Variants in NAA35 observed in about 807,000 individuals in gnomAD.
NAA35 encodes the protein MAK10 homolog, amino-acid N-acetyltransferase subunit.
NAA35 carries 18 observed loss-of-function variants against 101.7 expected under a neutral mutation model. That is an observed-to-expected ratio of 0.18 (90% CI 0.12 to 0.26). The LOEUF (loss-of-function observed/expected upper bound fraction) is 0.26, where lower values mean the gene tolerates loss of function less well. Ranked by LOEUF, NAA35 falls within the 10% of genes least tolerant of loss-of-function variation. The probability of loss-of-function intolerance (pLI) is 1.00; values close to 1 mark genes in which losing one functional copy is unlikely to be tolerated. For synonymous variants in NAA35, 267 were observed against 273.1 expected, an observed-to-expected ratio of 0.98 and a Z score of 0.22; for missense variants, 601 against 886.8, an observed-to-expected ratio of 0.68 and a Z score of 4.09.
chr9:85,966,856 C>T lies in NAA35; in HGVS notation c.516+4676C>T, dbSNP rs368178445. On this transcript the variant is annotated intron_variant, in intron 6 of 22. Transcript: ENST00000361671. ...GCGCTGTGGCTCACGCCTGTAATCC[C>T]AGCACTTTGGGAGGCCAAGATGGGC... Among the ~76,000 whole-genome samples the T allele has an allele frequency of 1.7e-3, 264 of 152,324 alleles. 1 individual carries two copies. The highest frequency in any genetic ancestry group is 4.2e-3 in the African/African-American group (173 of 41,574).
intron 11 of NAA35, among the ~76,000 whole-genome samples, chr9:85,980,014 C>G (rs1441825179): frequency 6.6e-6 from 1 of 152,168 alleles, no homozygotes; most frequent in African/African-American, 2.4e-5. Context: ...TTGGGATTCC[C>G]ACGACTCTCT....
chr9:85,976,915 T>G (rs1183620872), intron 9 of NAA35, among the ~76,000 whole-genome samples, 180 bp downstream of exon 9: 1 of 152,142 alleles, frequency 6.6e-6, no homozygotes, highest in Non-Finnish European at 1.5e-5. Context: ...TACAGCTCTT[T>G]CAAATAGATG....
intron 4 of NAA35, 47 bp downstream of exon 4, chr9:85,958,633 T>G: frequency 7.9e-7 from 1 of 1,270,288 alleles, no homozygotes; most frequent in African/African-American, 1.5e-5. Context: ...TTTTGTTACT[T>G]CCTGTTAAAA....
chr9:85,948,152 G>A (rs1248718581), intron 2 of NAA35, among the ~76,000 whole-genome samples: 1 of 152,068 alleles, frequency 6.6e-6, no homozygotes, highest in East Asian at 1.9e-4. Context: ...TGTATCTGTG[G>A]ACTTAACCCC....
intron 2 of NAA35, among the ~76,000 whole-genome samples, chr9:85,956,117 A>C (rs902282476): frequency 7.9e-5 from 12 of 152,162 alleles, no homozygotes; most frequent in African/African-American, 2.9e-4. Flanking sequence ...GCGATGGGTC[A>C]CTTATTCTCA....
intron 6 of NAA35, among the ~76,000 whole-genome samples, chr9:85,970,878 G>A (rs1368821037): frequency 6.6e-6 from 1 of 152,134 alleles, no homozygotes; most frequent in African/African-American, 2.4e-5. Flanking sequence ...AAGTAAAGGG[G>A]CGTCATAGTC....
intron 2 of NAA35, among the ~76,000 whole-genome samples, chr9:85,949,073 G>A (rs1200161908): frequency 6.6e-6 from 1 of 151,904 alleles, no homozygotes. Context: ...CCTTTCATAT[G>A]TAACTTTTTA....
intron 12 of NAA35, among the ~76,000 whole-genome samples, chr9:86,001,235 G>A (rs1283211307): frequency 6.6e-6 from 1 of 151,902 alleles, no homozygotes; most frequent in Non-Finnish European, 1.5e-5. Context: ...TTTTTATTAC[G>A]CTGTGGTCCA....
chr9:85,953,459 C>G (rs1829109700), intron 2 of NAA35, among the ~76,000 whole-genome samples: 1 of 152,152 alleles, frequency 6.6e-6, no homozygotes, highest in Non-Finnish European at 1.5e-5. Flanking sequence ...CAGAATTTCA[C>G]CCTGTTGGCC....
chr9:85,994,064 A>G lies in NAA35; in HGVS notation c.878-2335A>G, dbSNP rs916923911. On this transcript the variant is annotated intron_variant, in intron 11 of 22. Transcript: ENST00000361671. ...GATACGTAGATTTGTATGATATTAC[A>G]TCCTAGGTTACTCTCACCAATGACT... 3.3e-5 allele frequency among the ~76,000 whole-genome samples: 5 copies of G among 152,054 alleles called. No homozygotes were observed. In the East Asian group the frequency reaches 7.7e-4, roughly 23 times the overall value.
intron 5 of NAA35, 38 bp from the exon 6 acceptor site, chr9:85,961,975 T>G: frequency 6.5e-7 from 1 of 1,536,170 alleles, no homozygotes; most frequent in Non-Finnish European, 8.8e-7. Flanking sequence ...CAGACTCAGT[T>G]TATCACCTTA....
At chr9:85,944,566 A>G (rs1353011051) in intron 2 of NAA35, among the ~76,000 whole-genome samples, 2 of 152,186 alleles carry the variant, frequency 1.3e-5, no homozygotes, top group Non-Finnish European at 2.9e-5. Context: ...TGTGCCTTAA[A>G]CTTTTCCCTT....
chr9:85,941,906 A>G (rs1288045120), intron 1 of NAA35: 9 of 1,203,550 alleles, frequency 7.5e-6, no homozygotes, highest in Middle Eastern at 3.3e-4. Flanking sequence ...CTTCTTAAAC[A>G]GTAGGAAGGC....
intron 14 of NAA35, among the ~76,000 whole-genome samples, 190 bp from the exon 15 acceptor site, chr9:86,009,675 C>T (rs532104043): frequency 7.6e-4 from 115 of 152,244 alleles, no homozygotes; most frequent in African/African-American, 2.6e-3. Flanking sequence ...GGAAATATCA[C>T]AGATTTATTG....
intron 6 of NAA35, among the ~76,000 whole-genome samples, chr9:85,971,782 C>T (rs1161171503): frequency 6.6e-6 from 1 of 152,102 alleles, no homozygotes; most frequent in Non-Finnish European, 1.5e-5. Context: ...TACCTCATAT[C>T]CACATTCAGT....
intron 6 of NAA35, among the ~76,000 whole-genome samples, chr9:85,970,984 A>G (rs563426041): frequency 2.6e-5 from 4 of 152,334 alleles, no homozygotes; most frequent in Admixed American, 2.6e-4. Flanking sequence ...TTAAGATGAA[A>G]GCATTCCTGT....
chr9:85,958,558 A>G lies in NAA35; in HGVS notation c.245A>G (p.Lys82Arg). Reference sequence around the variant, plus strand: ...ATGATTGGAAACCAAGTTAATCGAAAAGTTCTCAATTTTGAACAAGCTATC... The same window carrying G: ...ATGATTGGAAACCAAGTTAATCGAAGAGTTCTCAATTTTGAACAAGCTATC... ...AGMIGNQVNR[K>R]VLNFEQAIKD... The change falls in exon 4 of 23, where the codon AAA (lysine) becomes AGA (arginine). Residue 82 changes from lysine to arginine, a missense_variant. Physicochemically the swap from Lys to Arg is conservative, Grantham distance 26. This residue lies in a region of NAA35 where 42 missense variants were observed against 41.2 expected (regional missense o/e 1.02). Coordinates refer to ENST00000361671, the MANE Select transcript of NAA35 (RefSeq NM_024635.4). 1 of 1,610,876 alleles carries G rather than the reference A, an allele frequency of 6.2e-7. No homozygotes were observed. The highest frequency in any genetic ancestry group is 8.5e-7 in the Non-Finnish European group (1 of 1,178,130).
chr9:85,974,991 G>C lies in NAA35; in HGVS notation c.541G>C (p.Gly181Arg). 1 of 1,612,342 alleles carries C rather than the reference G, an allele frequency of 6.2e-7. No individual in the cohort carries two copies. Among genetic ancestry groups the C allele is most frequent in the Non-Finnish European group, 8.5e-7 (1 of 1,179,016 alleles). ...EEEDFQSMTY[G>R]FKMANSVTDL... ...GGAAGATTTTCAGTCAATGACTTAT[G>C]GATTTAAAATGGCTAACAGTGTGAC... Residue 181 changes from glycine (G) to arginine (R), a missense_variant, in exon 7 of 23, where the codon GGA (glycine) becomes CGA (arginine). By Grantham distance (125) the Gly-to-Arg change is moderately radical (BLOSUM62 -2). Transcript: ENST00000361671.
Position 85,962,023 on chromosome 9 carries a change from T to C in NAA35, c.359T>C (p.Leu120Ser). Reference sequence around the variant, plus strand: ...TTTGTTTCTTTATAGATAACGTGGTTAGAAGGCCATTCACTGGCACAGACA... The same window carrying C: ...TTTGTTTCTTTATAGATAACGTGGTCAGAAGGCCATTCACTGGCACAGACA... ...DTCFCCLITW[L>S]EGHSLAQTVF... Residue 120 changes from leucine to serine, a missense_variant, in exon 6 of 23, where the codon TTA (leucine) becomes TCA (serine). Leu to Ser is a moderately radical substitution (Grantham distance 145, BLOSUM62 -2). Coordinates refer to ENST00000361671, the MANE Select transcript of NAA35 (RefSeq NM_024635.4). 2 of 1,606,558 alleles carry C rather than the reference T, an allele frequency of 1.2e-6. No individual in the cohort carries two copies. The highest frequency in any genetic ancestry group is 1.7e-6 in the Non-Finnish European group (2 of 1,177,868).
Sources: allele counts gnomAD v4.1 joint callset (sites outside exome capture counted in the v4.1 genomes callset), GRCh38; gene constraint gnomAD v4.1.1; regional missense constraint gnomAD v4.1.1; transcripts MANE v1.5; gene names NCBI Gene and HGNC (gene_info 2026-07-23, HGNC 2026-07-21).